The following AGBL4 variants were observed in gnomAD, a reference collection of about 807,000 sequenced individuals.
The protein encoded by AGBL4 is AGBL carboxypeptidase 4.
A neutral mutation model predicts 66.4 loss-of-function variants in AGBL4; 58 were observed. The ratio of observed to expected loss-of-function variants is 0.87; its 90% CI spans 0.71 to 1.09. The LOEUF is 1.09. Among genes scored for constraint, AGBL4 ranks in the 50% least tolerant of loss-of-function variants. AGBL4 has a pLI of 0.00. For synonymous variants in AGBL4, 234 were observed against 222.9 expected (o/e 1.05, Z -0.44); for missense variants, 579 against 631.0 (o/e 0.92, Z 0.88).
chr1:48,907,780 G>A (rs975777294), intron 5 of AGBL4, among the ~76,000 whole-genome samples: 1 of 152,162 alleles, frequency 6.6e-6, no homozygotes, highest in African/African-American at 2.4e-5. Context: ...GGGATGCACT[G>A]TGATAAATGC....
At chr1:49,467,179 T>C (rs1379084115) in intron 3 of AGBL4, among the ~76,000 whole-genome samples, 1 of 151,710 alleles carries the variant, frequency 6.6e-6, no homozygotes, top group Non-Finnish European at 1.5e-5. Context: ...AGGTTGTAGT[T>C]AGAAAGACAG....
intron 3 of AGBL4, among the ~76,000 whole-genome samples, chr1:49,515,219 T>C (rs1036271091): frequency 6.6e-6 from 1 of 152,044 alleles, no homozygotes; most frequent in Non-Finnish European, 1.5e-5. Context: ...TATCAAAAAG[T>C]GGGCAAAGGA....
chr1:49,540,254 T>A (rs1381860610), intron 3 of AGBL4, among the ~76,000 whole-genome samples: 7 of 152,358 alleles, frequency 4.6e-5, no homozygotes, highest in African/African-American at 1.7e-4. Context: ...AATCTTTAAA[T>A]ATATCTTATC....
intron 11 of AGBL4, among the ~76,000 whole-genome samples, chr1:48,562,375 G>GCA: frequency 1.3e-5 from 2 of 152,240 alleles, no homozygotes; most frequent in Middle Eastern, 6.8e-3. Context: ...GTAGAAACTT[G>GCA]TGGAATGCCT....
chr1:48,868,941 T>C (rs1426633633), intron 5 of AGBL4, among the ~76,000 whole-genome samples: 1 of 152,206 alleles, frequency 6.6e-6, no homozygotes, highest in Non-Finnish European at 1.5e-5. Context: ...ATCTGTGTTG[T>C]CTTCTCTCCA....
intron 6 of AGBL4, among the ~76,000 whole-genome samples, chr1:48,834,118 G>C (rs1570780872): frequency 6.6e-6 from 1 of 152,132 alleles, no homozygotes; most frequent in East Asian, 1.9e-4. Flanking sequence ...TCCCTTTTTG[G>C]AATAGGAATG....
Position 48,767,832 on chromosome 1 carries a change from A to C in AGBL4, c.634+99359T>G, listed in dbSNP as rs908625695. 3.3e-5 allele frequency among the ~76,000 whole-genome samples: 5 copies of C among 152,174 alleles called. No individual in the cohort carries two copies. In the East Asian group the frequency reaches 9.6e-4, roughly 29 times the overall value. On this transcript the variant is annotated intron_variant, in intron 6 of 13. Transcript: ENST00000371839. ...ATGTCCAGGGCAAGGGAAACCACCA[A>C]AGATTTGGGCATTATCCTTTTCCTC...
chr1:49,231,672 C>A (rs1373250290), intron 4 of AGBL4, among the ~76,000 whole-genome samples: 1 of 152,154 alleles, frequency 6.6e-6, no homozygotes, highest in South Asian at 2.1e-4. Flanking sequence ...CCCATACATA[C>A]CACATTCACC....
chr1:48,579,137 C>T (rs1469623598), intron 11 of AGBL4, among the ~76,000 whole-genome samples: 1 of 152,150 alleles, frequency 6.6e-6, no homozygotes, highest in Non-Finnish European at 1.5e-5. Flanking sequence ...ACATACAGAG[C>T]TCAAAATATC....
intron 3 of AGBL4, among the ~76,000 whole-genome samples, chr1:49,359,636 C>T (rs186908375): frequency 5.3e-5 from 8 of 152,222 alleles, no homozygotes; most frequent in East Asian, 1.9e-4. Context: ...GTCTCCACTG[C>T]GTGCATGGAG....
At chr1:49,279,207 T>G (rs1644228667) in intron 3 of AGBL4, among the ~76,000 whole-genome samples, 5 of 152,186 alleles carry the variant, frequency 3.3e-5, no homozygotes. Context: ...GGGTTTTACC[T>G]TGGGCATGAA....
intron 1 of AGBL4, among the ~76,000 whole-genome samples, chr1:49,975,919 T>C (rs1393913421): frequency 6.6e-6 from 1 of 152,214 alleles, no homozygotes; most frequent in African/African-American, 2.4e-5. Context: ...CCATGGTAAC[T>C]TTTTTGACTT....
chr1:49,205,160 G>A (rs1437984166), intron 4 of AGBL4, among the ~76,000 whole-genome samples: 1 of 152,018 alleles, frequency 6.6e-6, no homozygotes, highest in Non-Finnish European at 1.5e-5. Flanking sequence ...TGATTAAATA[G>A]CTTCCCAAAT....
intron 2 of AGBL4, among the ~76,000 whole-genome samples, chr1:49,835,686 G>A (rs1645829412): frequency 6.6e-6 from 1 of 152,132 alleles, no homozygotes; most frequent in Non-Finnish European, 1.5e-5. Flanking sequence ...TCACAATTTG[G>A]TATGTTTTTG....
chr1:49,948,239 TA>T (rs1168911329), intron 1 of AGBL4, among the ~76,000 whole-genome samples: 1 of 98,182 alleles, frequency 1.0e-5, no homozygotes, highest in Non-Finnish European at 1.7e-5. Flanking sequence ...TATAAATATA[TA>T]AATAAATACA....
intron 3 of AGBL4, among the ~76,000 whole-genome samples, chr1:49,364,679 T>A (rs1171099259): frequency 1.3e-5 from 2 of 152,144 alleles, no homozygotes; most frequent in African/African-American, 4.8e-5. Flanking sequence ...GGTTTTGCCA[T>A]GTTGGCCAGG....
chr1:49,622,787 G>T (rs546467114), intron 3 of AGBL4, among the ~76,000 whole-genome samples: 2 of 152,104 alleles, frequency 1.3e-5, no homozygotes, highest in South Asian at 2.1e-4. Context: ...CATCATCTTT[G>T]TTATGATTAT....
At chr1:48,808,290 G>A (rs934770610) in intron 6 of AGBL4, among the ~76,000 whole-genome samples, 7 of 152,126 alleles carry the variant, frequency 4.6e-5, no homozygotes, top group African/African-American at 1.7e-4. Context: ...TACTGTGTTA[G>A]GCATTATTAG....
At chr1:49,940,223 G>C (rs1232553804) in intron 1 of AGBL4, among the ~76,000 whole-genome samples, 9 of 152,178 alleles carry the variant, frequency 5.9e-5, no homozygotes, top group Admixed American at 5.9e-4. Context: ...AGAGGATGTG[G>C]AGAAATAGGA....
Sources: allele counts gnomAD v4.1 joint callset (sites outside exome capture counted in the v4.1 genomes callset), GRCh38; gene constraint gnomAD v4.1.1; transcripts MANE v1.5; gene names NCBI Gene and HGNC (gene_info 2026-07-23, HGNC 2026-07-21).